Variants in COL4A4 observed in about 807,000 individuals in gnomAD.
COL4A4 encodes the protein collagen type IV alpha 4 chain, also known as collagen alpha-4(IV) chain.
COL4A4 carries 105 observed loss-of-function variants against 192.9 expected under a neutral mutation model. The observed-to-expected ratio is 0.54, with a 90% CI of 0.46 to 0.64. The LOEUF (loss-of-function observed/expected upper bound fraction) is 0.64, where lower values mean the gene tolerates loss of function less well. Among genes scored for constraint, COL4A4 ranks in the 30% least tolerant of loss-of-function variants. COL4A4 has a pLI of 0.00. For missense variants in COL4A4, 1,967 were observed against 2,169.3 expected (o/e 0.91, Z 1.85); for synonymous variants, 762 against 769.9 (o/e 0.99, Z 0.17).
In COL4A4 at chr2:227,160,831, G is replaced by A. The variant is rs572141193; in HGVS notation, c.-102+3176C>T. On this transcript the variant is annotated intron_variant, in intron 1 of 47. Coordinates refer to ENST00000396625, the MANE Select transcript of COL4A4 (RefSeq NM_000092.5). ...GAGCCACGAACTTAGAGAAGCAGAA[G>A]AGGAGTCCAGAGATGCAATGGCAAG... Among the ~76,000 whole-genome samples, 896 of 152,330 alleles carry A rather than the reference G, an allele frequency of 5.9e-3. 14 individuals carry two copies. The highest frequency in any genetic ancestry group is 0.019 in the African/African-American group (800 of 41,562).
At chr2:227,117,498 T>C (rs556619833) in intron 7 of COL4A4, among the ~76,000 whole-genome samples, 5 of 152,160 alleles carry the variant, frequency 3.3e-5, no homozygotes, top group African/African-American at 1.2e-4. Flanking sequence ...TCTTTTTGAG[T>C]TTAGTGTTCA....
chr2:227,128,286 T>G (rs1317555838), intron 4 of COL4A4, among the ~76,000 whole-genome samples: 1 of 152,204 alleles, frequency 6.6e-6, no homozygotes, highest in Non-Finnish European at 1.5e-5. Context: ...TTCAATCCCT[T>G]CAAGCCTCTT....
At chr2:226,976,547 G>A in the COL4A4 span, among the ~76,000 whole-genome samples, 588 of 152,158 alleles carry the variant, frequency 3.9e-3, 3 homozygotes, top group South Asian at 0.012. Context: ...ACTCACCACC[G>A]TATACTGATG....
chr2:227,141,810 TA>T (rs928888249), intron 3 of COL4A4, among the ~76,000 whole-genome samples: 27 of 149,380 alleles, frequency 1.8e-4, no homozygotes, highest in Middle Eastern at 3.4e-3. Context: ...CTGATAAGGT[TA>T]AAAAAAAAAT....
chr2:227,157,111 A>G (rs1289033751), intron 1 of COL4A4, among the ~76,000 whole-genome samples: 1 of 152,182 alleles, frequency 6.6e-6, no homozygotes, highest in African/African-American at 2.4e-5. Context: ...CACATTTCAA[A>G]AGACTGAAAT....
chr2:227,139,646 T>C (rs1337429095), intron 4 of COL4A4, among the ~76,000 whole-genome samples: 1 of 152,152 alleles, frequency 6.6e-6, no homozygotes, highest in South Asian at 2.1e-4. Context: ...TTACGAGAAG[T>C]CAATGAGCAG....
intron 29 of COL4A4, among the ~76,000 whole-genome samples, chr2:227,057,020 T>G (rs1975537386): frequency 1.3e-5 from 2 of 152,226 alleles, no homozygotes; most frequent in Non-Finnish European, 2.9e-5. Flanking sequence ...AGGGGTCTCT[T>G]GTGTTCCTAC....
chr2:226,989,195 A>G, the COL4A4 span, among the ~76,000 whole-genome samples: 2 of 152,242 alleles, frequency 1.3e-5, no homozygotes, highest in Non-Finnish European at 2.9e-5. Context: ...TGTAAAATAG[A>G]CAAAGAAATT....
At chr2:227,144,082 T>C (rs765973316) in intron 3 of COL4A4, among the ~76,000 whole-genome samples, 4 of 152,184 alleles carry the variant, frequency 2.6e-5, no homozygotes, top group Non-Finnish European at 4.4e-5. Context: ...CAGGCCACAA[T>C]GGGATTTCCC....
chr2:227,052,346 T>A lies in COL4A4; in HGVS notation c.2927A>T (p.Glu976Val), dbSNP rs1974298225. The A allele has an allele frequency of 6.2e-7, 1 of 1,613,312 alleles. No homozygotes were observed. Among genetic ancestry groups the A allele is most frequent in the South Asian group, 1.1e-5 (1 of 91,062 alleles). ...AIISQKGTPG[E>V]PGPPGDDGFP... is the part of the protein sequence containing the mutation. ...TCCATCATCTCCAGGAGGTCCAGGT[T>A]CCCCAGGTGTTCCCTTTTGTGAAAT... Residue 976 changes from glutamate (E) to valine (V), a missense_variant, in exon 32 of 48, where the codon GAA becomes GTA. Physicochemically the swap from Glu to Val is moderately radical, Grantham distance 121. Coordinates refer to ENST00000396625, the MANE Select transcript of COL4A4 (RefSeq NM_000092.5).
At chr2:227,105,269 C>T (rs1187691009) in intron 12 of COL4A4, among the ~76,000 whole-genome samples, 3 of 143,734 alleles carry the variant, frequency 2.1e-5, no homozygotes, top group Non-Finnish European at 3.0e-5. Context: ...CAGCTGACTG[C>T]AACCTCTGCC....
chr2:227,039,704 C>A (rs191096803), intron 37 of COL4A4, among the ~76,000 whole-genome samples: 214 of 152,226 alleles, frequency 1.4e-3, no homozygotes, highest in African/African-American at 4.9e-3. Flanking sequence ...CAAATGTTTT[C>A]TTTTGGTTCT....
intron 46 of COL4A4, among the ~76,000 whole-genome samples, chr2:227,008,820 T>C (rs1317431519): frequency 2.0e-5 from 3 of 152,196 alleles, no homozygotes; most frequent in Non-Finnish European, 4.4e-5. Context: ...TCAGACATGT[T>C]CAGTGCAGGG....
chr2:227,043,221 T>C, intron 35 of COL4A4, 37 bp from the exon 36 acceptor site: 1 of 1,532,884 alleles, frequency 6.5e-7, no homozygotes, highest in Non-Finnish European at 9.0e-7. Context: ...AGTTGCCGTT[T>C]GAGACAGTGA....
intron 22 of COL4A4, among the ~76,000 whole-genome samples, chr2:227,086,330 C>T (rs1222789901): frequency 1.3e-5 from 2 of 152,204 alleles, no homozygotes; most frequent in Non-Finnish European, 2.9e-5. Context: ...AGAGCGAGAG[C>T]ACCCCATAGT....
intron 20 of COL4A4, among the ~76,000 whole-genome samples, chr2:227,091,177 A>T (rs935425479): frequency 1.3e-5 from 2 of 152,028 alleles, no homozygotes; most frequent in African/African-American, 4.8e-5. Context: ...GAGGGAGAGT[A>T]TTGCATCCCT....
At position 227,041,862 on chromosome 2, in the gene COL4A4, GAA is replaced by G. The variant is rs1434134482; in HGVS notation, c.3505+284_3505+285del. Among the ~76,000 whole-genome samples, 71 of 118,392 alleles carry G rather than the reference GAA, an allele frequency of 6.0e-4. 1 individual carries two copies. Among genetic ancestry groups the G allele is most frequent in the African/African-American group, 2.4e-3 (67 of 27,500 alleles). 77.7% of individuals were successfully genotyped at this position (118,392 alleles called of 152,430 possible). A position where few individuals can be genotyped will look rare whatever the true frequency, so the allele number is the denominator to read the frequency against. On this transcript the variant is annotated intron_variant, in intron 37 of 47. Coordinates refer to ENST00000396625, the MANE Select transcript of COL4A4 (RefSeq NM_000092.5). ...AAAGAAAGAAAGAGAAAGAAAGAAA[GAA>G]AGAAAGAAAGAAAGAAAGAAAGAAA...
intron 33 of COL4A4, among the ~76,000 whole-genome samples, chr2:227,050,549 A>G (rs993751524): frequency 6.6e-6 from 1 of 152,240 alleles, no homozygotes; most frequent in African/African-American, 2.4e-5. Flanking sequence ...AACTACATGT[A>G]TTGTACCTCC....
intron 4 of COL4A4, among the ~76,000 whole-genome samples, chr2:227,124,487 T>C (rs1403992824): frequency 6.6e-6 from 1 of 152,272 alleles, no homozygotes; most frequent in Non-Finnish European, 1.5e-5. Flanking sequence ...CTATATTTTA[T>C]AGGCATTTTC....
Sources: allele counts gnomAD v4.1 joint callset (sites outside exome capture counted in the v4.1 genomes callset), GRCh38; gene constraint gnomAD v4.1.1; transcripts MANE v1.5; gene names NCBI Gene and HGNC (gene_info 2026-07-23, HGNC 2026-07-21).